Variants in ERAP1 observed in about 807,000 individuals in gnomAD.
ERAP1 encodes adipocyte-derived leucine aminopeptidase.
A neutral mutation model predicts 103.7 loss-of-function variants in ERAP1; 86 were observed. The ratio of observed to expected loss-of-function variants is 0.83; its 90% CI spans 0.70 to 0.99. The LOEUF (loss-of-function observed/expected upper bound fraction) is 0.99. ERAP1 is among the 50% of genes least tolerant of loss of function. The probability of loss-of-function intolerance (pLI) is 0.00; values close to 1 mark genes in which losing one functional copy is unlikely to be tolerated. For missense variants in ERAP1, 1,009 were observed against 1,128.4 expected (o/e 0.89, Z 1.52); for synonymous variants, 398 against 402.4 (o/e 0.99, Z 0.13).
the ERAP1 span, chr5:96,881,482 T>C: frequency 2.2e-6 from 1 of 455,750 alleles, no homozygotes; most frequent in East Asian, 6.9e-5. Flanking sequence ...ATCTGGGAGG[T>C]AAGAGGAGTC....
At chr5:96,913,696 C>G in the ERAP1 span, among the ~76,000 whole-genome samples, 3 of 152,260 alleles carry the variant, frequency 2.0e-5, no homozygotes, top group Non-Finnish European at 4.4e-5. Flanking sequence ...CAAGAAACCA[C>G]TGGCATCAAG....
the ERAP1 span, among the ~76,000 whole-genome samples, chr5:96,907,947 G>A: frequency 9.9e-5 from 15 of 151,982 alleles, no homozygotes; most frequent in Admixed American, 2.0e-4. Flanking sequence ...CCAGCCTTCC[G>A]TCTTCAGGTG....
chr5:96,892,586 C>A, the ERAP1 span: 1 of 997,726 alleles, frequency 1.0e-6, no homozygotes, highest in Non-Finnish European at 1.4e-6. Context: ...CTAAACCTAA[C>A]ACAACGTCAA....
intron 1 of ERAP1, chr5:96,804,849 G>A (rs772604700): frequency 6.6e-6 from 1 of 152,096 alleles, no homozygotes; most frequent in Non-Finnish European, 1.5e-5. Context: ...GGGAGGCTGA[G>A]GCAGGAGAAT....
chr5:96,879,920 G>A, the ERAP1 span: 2 of 1,614,114 alleles, frequency 1.2e-6, no homozygotes, highest in East Asian at 2.2e-5. Flanking sequence ...TCTCCATTAT[G>A]ACCTCTTTGT....
downstream of ERAP1, chr5:96,770,244 G>A: frequency 2.6e-6 from 1 of 377,494 alleles, no homozygotes; most frequent in Middle Eastern, 7.8e-4. Context: ...CTATTGACAA[G>A]CTCTGTTTTG....
At chr5:96,912,544 A>C in the ERAP1 span, 2 of 823,310 alleles carry the variant, frequency 2.4e-6, no homozygotes, top group Non-Finnish European at 3.8e-6. Context: ...AAAGCAGTTC[A>C]GAGATTATTG....
chr5:96,764,226 A>G (rs1270016308), intron 19 of ERAP1, among the ~76,000 whole-genome samples: 1 of 152,286 alleles, frequency 6.6e-6, no homozygotes, highest in Non-Finnish European at 1.5e-5. Context: ...GTTGGGTCCT[A>G]ACATACAACT....
At chr5:96,858,363 C>T in the ERAP1 span, among the ~76,000 whole-genome samples, 5 of 152,006 alleles carry the variant, frequency 3.3e-5, no homozygotes, top group South Asian at 2.1e-4. Context: ...TACAGGTGCC[C>T]GTCACCATAC....
chr5:96,895,384 T>C, the ERAP1 span: 9 of 1,391,320 alleles, frequency 6.5e-6, no homozygotes, highest in African/African-American at 1.0e-4. Flanking sequence ...CTGTGTATCA[T>C]ACTATATGGT....
At chr5:96,783,009 T>G in intron 15 of ERAP1, 42 bp downstream of exon 15, 1 of 1,594,190 alleles carries the variant, frequency 6.3e-7, no homozygotes, top group Non-Finnish European at 8.6e-7. Flanking sequence ...ACAGAAAAGA[T>G]GCCCTTCACA....
At chr5:96,782,818 C>T (rs1325157793) in intron 15 of ERAP1, among the ~76,000 whole-genome samples, 1 of 152,150 alleles carries the variant, frequency 6.6e-6, no homozygotes, top group Non-Finnish European at 1.5e-5. Context: ...GAGAATTATT[C>T]CCATACCATC....
the ERAP1 span, chr5:96,909,154 C>A: frequency 1.3e-6 from 2 of 1,596,966 alleles, 1 homozygote; most frequent in South Asian, 2.2e-5. Context: ...TAAGTAAATA[C>A]ACAGTGTCTG....
chr5:96,896,271 G>T, the ERAP1 span: 1 of 919,694 alleles, frequency 1.1e-6, no homozygotes, highest in African/African-American at 1.7e-5. Context: ...AATATCGATT[G>T]AAATCTTACC....
At chr5:96,857,540 A>G in the ERAP1 span, among the ~76,000 whole-genome samples, 7 of 152,246 alleles carry the variant, frequency 4.6e-5, no homozygotes, top group Non-Finnish European at 1.0e-4. Context: ...ATGCAACCAC[A>G]TAAAGCATGG....
chr5:96,833,189 C>T, the ERAP1 span, among the ~76,000 whole-genome samples: 1 of 152,126 alleles, frequency 6.6e-6, no homozygotes, highest in Non-Finnish European at 1.5e-5. Context: ...AATTTGGAGA[C>T]CAATATTTAG....
At chr5:96,767,576 C>T (rs1405578848) in intron 19 of ERAP1, 2 of 849,750 alleles carry the variant, frequency 2.4e-6, no homozygotes, top group African/African-American at 1.7e-5. Flanking sequence ...TATTGAATGC[C>T]TACTCTGTGC....
chr5:96,763,228 TC>T lies in ERAP1; in HGVS notation c.2819-1del, dbSNP rs1470899456. ...TCCTGTTGCGTCAGCTTCAGGATCA[TC>T]TGAAAATATCCAGAGGCACAAATGA... On this transcript the variant is annotated splice_acceptor_variant, in intron 19 of 19. Transcript: ENST00000296754. LOFTEE classifies it high-confidence loss of function. 2 of 780,654 alleles carry T rather than the reference TC, an allele frequency of 2.6e-6. No homozygotes were observed. Among genetic ancestry groups the T allele is most frequent in the African/African-American group, 3.4e-5 (2 of 59,114 alleles). 48.4% of individuals were successfully genotyped at this position (780,654 alleles called of 1,614,324 possible). A position where few individuals can be genotyped will look rare whatever the true frequency, so the allele number is the denominator to read the frequency against.
At chr5:96,802,439 G>T (rs1778113243) in intron 2 of ERAP1, among the ~76,000 whole-genome samples, 1 of 152,036 alleles carries the variant, frequency 6.6e-6, no homozygotes, top group South Asian at 2.1e-4. Flanking sequence ...ATATTCCAGT[G>T]AAATAGAAGT....
Sources: allele counts gnomAD v4.1 joint callset (sites outside exome capture counted in the v4.1 genomes callset), GRCh38; gene constraint gnomAD v4.1.1; transcripts MANE v1.5; gene names NCBI Gene and HGNC (gene_info 2026-07-23, HGNC 2026-07-21).